ZNF804B: variants seen among roughly 807,000 people sequenced by gnomAD.
ZNF804B encodes zinc finger 804B.
Under a neutral mutation model 101.4 loss-of-function variants are expected in ZNF804B, and 80 were observed. That is an observed-to-expected ratio of 0.79 (90% CI 0.66 to 0.95). ZNF804B has a LOEUF of 0.95. Ranked by LOEUF, ZNF804B falls within the 40% of genes least tolerant of loss-of-function variation. The probability of loss-of-function intolerance (pLI) is 0.00; values close to 1 mark genes in which losing one functional copy is unlikely to be tolerated. For synonymous variants in ZNF804B, 622 were observed against 558.8 expected (o/e 1.11, Z -1.59); for missense variants, 1,673 against 1,561.9 (o/e 1.07, Z -1.20).
At chr7:89,059,310 T>C (rs984473044) in intron 1 of ZNF804B, among the ~76,000 whole-genome samples, 3 of 152,194 alleles carry the variant, frequency 2.0e-5, no homozygotes, top group Non-Finnish European at 4.4e-5. Context: ...GAGATTTAAT[T>C]GGCTCACATT....
At chr7:89,281,210 A>T (rs924671195) in intron 2 of ZNF804B, among the ~76,000 whole-genome samples, 1 of 152,210 alleles carries the variant, frequency 6.6e-6, no homozygotes, top group Non-Finnish European at 1.5e-5. Context: ...TAAATTTATT[A>T]TCAAAGTTGG....
At chr7:89,071,557 C>T (rs781056548) in intron 1 of ZNF804B, among the ~76,000 whole-genome samples, 11 of 152,020 alleles carry the variant, frequency 7.2e-5, no homozygotes, top group Non-Finnish European at 1.3e-4. Context: ...CAAACAATCA[C>T]GGGGATAATC....
At chr7:88,771,864 T>G (rs1790070613) in intron 1 of ZNF804B, among the ~76,000 whole-genome samples, 1 of 152,114 alleles carries the variant, frequency 6.6e-6, no homozygotes. Context: ...AGATATGAAT[T>G]ATGTATTTAA....
Position 89,217,347 on chromosome 7 carries a change from G to A in ZNF804B, c.109-808G>A, listed in dbSNP as rs563170791. ...TTGTTTGAATTCAAATTCCTTCTCC[G>A]CTTGTTAACTTGGAGCCCATGAGTG... On this transcript the variant is annotated intron_variant, in intron 1 of 3. Transcript: ENST00000333190. Among the ~76,000 whole-genome samples the A allele has an allele frequency of 7.9e-5, 12 of 152,180 alleles. No homozygotes were observed. In the South Asian group the frequency reaches 1.0e-3, roughly 13 times the overall value.
chr7:88,857,419 G>C (rs1791578672), intron 1 of ZNF804B, among the ~76,000 whole-genome samples: 1 of 152,042 alleles, frequency 6.6e-6, no homozygotes, highest in Non-Finnish European at 1.5e-5. Flanking sequence ...AATAAAAAAT[G>C]ATAAAGGGGA....
chr7:89,159,550 G>A (rs943174671), intron 1 of ZNF804B, among the ~76,000 whole-genome samples: 2 of 152,090 alleles, frequency 1.3e-5, no homozygotes, highest in Admixed American at 6.6e-5. Flanking sequence ...GGTAAAGCAT[G>A]GAACAGAGTG....
intron 1 of ZNF804B, among the ~76,000 whole-genome samples, chr7:88,911,532 C>A (rs976413473): frequency 4.7e-5 from 7 of 150,244 alleles, no homozygotes; most frequent in African/African-American, 7.3e-5. Context: ...TCTTAAACTT[C>A]TTTTCACCTA....
chr7:89,266,597 A>G (rs544481870), intron 2 of ZNF804B, among the ~76,000 whole-genome samples: 8 of 152,290 alleles, frequency 5.3e-5, no homozygotes, highest in Admixed American at 1.3e-4. Context: ...CTCTTGCATG[A>G]ATAGCCTTCT....
intron 1 of ZNF804B, among the ~76,000 whole-genome samples, chr7:88,925,065 G>A (rs940700161): frequency 6.6e-6 from 1 of 152,098 alleles, no homozygotes; most frequent in Non-Finnish European, 1.5e-5. Context: ...TTTGTTTGTA[G>A]TAATATAGGC....
At chr7:89,082,575 TA>T (rs1423642363) in intron 1 of ZNF804B, among the ~76,000 whole-genome samples, 40 of 151,830 alleles carry the variant, frequency 2.6e-4, no homozygotes, top group Admixed American at 2.6e-3. Context: ...GTAAAAATAA[TA>T]AAACTAGTAA....
At chr7:88,895,366 C>G (rs1257256481) in intron 1 of ZNF804B, among the ~76,000 whole-genome samples, 2 of 152,146 alleles carry the variant, frequency 1.3e-5, no homozygotes, top group East Asian at 3.9e-4. Context: ...CCTTGCCATA[C>G]TGGATTAGAG....
At chr7:89,233,200 A>G (rs1303465926) in intron 2 of ZNF804B, among the ~76,000 whole-genome samples, 2 of 152,198 alleles carry the variant, frequency 1.3e-5, no homozygotes, top group Admixed American at 6.5e-5. Context: ...TGCTGGGATT[A>G]CAGGCGTGAG....
intron 1 of ZNF804B, among the ~76,000 whole-genome samples, chr7:88,989,922 C>T (rs1170647345): frequency 4.6e-5 from 7 of 152,016 alleles, no homozygotes; most frequent in African/African-American, 1.7e-4. Flanking sequence ...TATTTATCTA[C>T]ACACCTACCT....
intron 1 of ZNF804B, among the ~76,000 whole-genome samples, chr7:89,066,655 A>G (rs1789459584): frequency 6.6e-6 from 1 of 152,182 alleles, no homozygotes; most frequent in Non-Finnish European, 1.5e-5. Context: ...ATCTGGCGTA[A>G]CAATTAATGA....
intron 1 of ZNF804B, among the ~76,000 whole-genome samples, chr7:89,049,917 C>T (rs887983919): frequency 1.3e-5 from 2 of 152,112 alleles, no homozygotes; most frequent in Non-Finnish European, 2.9e-5. Flanking sequence ...GAGGTTGAGG[C>T]AGGAGAATCA....
At chr7:89,015,229 A>G (rs545864730) in intron 1 of ZNF804B, among the ~76,000 whole-genome samples, 13 of 151,730 alleles carry the variant, frequency 8.6e-5, no homozygotes, top group Non-Finnish European at 1.8e-4. Context: ...TGCCAGTATC[A>G]TTCTGTTTTG....
intron 1 of ZNF804B, among the ~76,000 whole-genome samples, chr7:88,786,617 G>A (rs1369227246): frequency 6.6e-6 from 1 of 151,904 alleles, no homozygotes; most frequent in African/African-American, 2.4e-5. Flanking sequence ...TACTGTTAGT[G>A]CCTAGCTATT....
intron 1 of ZNF804B, among the ~76,000 whole-genome samples, chr7:88,868,691 G>T (rs576909832): frequency 6.6e-6 from 1 of 152,244 alleles, no homozygotes; most frequent in East Asian, 1.9e-4. Flanking sequence ...ATTAATCTCA[G>T]ATGCTTTACA....
At chr7:89,213,987 T>A (rs571310608) in intron 1 of ZNF804B, among the ~76,000 whole-genome samples, 1 of 152,346 alleles carries the variant, frequency 6.6e-6, no homozygotes, top group South Asian at 2.1e-4. Context: ...CTAAGTGCAT[T>A]ACTCTAGTCA....
Sources: gnomAD v4.1 joint callset for allele counts (sites outside exome capture counted in the v4.1 genomes callset) on GRCh38, gnomAD v4.1.1 for gene constraint, MANE v1.5 for transcripts, NCBI Gene and HGNC (gene_info 2026-07-23, HGNC 2026-07-21) for gene names.